The following UBASH3A variants were observed in gnomAD, a reference collection of about 807,000 sequenced individuals.
UBASH3A encodes ubiquitin-associated and SH3 domain-containing protein A.
UBASH3A carries 63 observed loss-of-function variants against 73.5 expected under a neutral mutation model. The ratio of observed to expected loss-of-function variants is 0.86; its 90% CI spans 0.70 to 1.06. UBASH3A has a LOEUF of 1.06. Among genes scored for constraint, UBASH3A ranks in the 50% least tolerant of loss-of-function variants. The probability of loss-of-function intolerance (pLI) is 0.00; values close to 1 mark genes in which losing one functional copy is unlikely to be tolerated. For missense variants in UBASH3A, 860 were observed against 859.0 expected, an observed-to-expected ratio of 1.00 and a Z score of -0.02; for synonymous variants, 363 against 351.1, an observed-to-expected ratio of 1.03 and a Z score of -0.38.
intron 1 of UBASH3A, chr21:42,404,318 G>A (rs2052924898): frequency 3.0e-6 from 1 of 327,922 alleles, no homozygotes. Context: ...GCCTCCTAAG[G>A]CTGCCCTGTT....
intron 11 of UBASH3A, 33 bp downstream of exon 11, chr21:42,437,613 G>A (rs2146592047): frequency 6.3e-7 from 1 of 1,585,366 alleles, no homozygotes; most frequent in East Asian, 2.2e-5. Flanking sequence ...CTCTCCTACT[G>A]CCTTGACCTT....
At chr21:42,423,180 A>G (rs922335936) in intron 7 of UBASH3A, among the ~76,000 whole-genome samples, 1 of 151,678 alleles carries the variant, frequency 6.6e-6, no homozygotes, top group Non-Finnish European at 1.5e-5. Context: ...TCCCACATCC[A>G]GTGAGAAAAC....
chr21:42,421,352 C>G (rs1193622740), intron 7 of UBASH3A, among the ~76,000 whole-genome samples: 1 of 152,206 alleles, frequency 6.6e-6, no homozygotes, highest in Non-Finnish European at 1.5e-5. Context: ...ACCTTCAGAG[C>G]TGTGTGGCTG....
intron 7 of UBASH3A, among the ~76,000 whole-genome samples, chr21:42,422,528 C>T (rs565052288): frequency 1.3e-5 from 2 of 152,268 alleles, no homozygotes; most frequent in South Asian, 2.1e-4. Flanking sequence ...CAGAGGAAGC[C>T]GGATTCCAGT....
At chr21:42,416,825 C>G (rs1360995384) in intron 6 of UBASH3A, among the ~76,000 whole-genome samples, 1 of 152,264 alleles carries the variant, frequency 6.6e-6, no homozygotes, top group East Asian at 1.9e-4. Flanking sequence ...CCCAGCTACT[C>G]AGGAGGCTGA....
At position 42,444,653 on chromosome 21, in the gene UBASH3A, C is replaced by A; in HGVS notation, c.1848+10C>A. The A allele has an allele frequency of 1.3e-6, 2 of 1,595,334 alleles. No homozygotes were observed. Among genetic ancestry groups the A allele is most frequent in the South Asian group, 2.2e-5 (2 of 90,728 alleles). Reference sequence around the variant, plus strand: ...CCAACTCGTGAGAAAGGTACGCGCCCACTCTTGGCTCTTTGGGCCACAAAA... The same window carrying A: ...CCAACTCGTGAGAAAGGTACGCGCCAACTCTTGGCTCTTTGGGCCACAAAA... On this transcript the variant is annotated intron_variant, in intron 14 of 14. Transcript: ENST00000319294.
chr21:42,421,554 T>A (rs1184068636), intron 7 of UBASH3A, among the ~76,000 whole-genome samples: 2 of 152,264 alleles, frequency 1.3e-5, no homozygotes, highest in Admixed American at 1.3e-4. Context: ...CAGCATCTAC[T>A]CAATCTATAG....
chr21:42,430,858 C>T (rs2053516014), intron 8 of UBASH3A, among the ~76,000 whole-genome samples: 1 of 152,214 alleles, frequency 6.6e-6, no homozygotes, highest in Non-Finnish European at 1.5e-5. Flanking sequence ...GGCAGCACCA[C>T]TGGGCCTGTG....
At chr21:42,441,673 A>AGGAGGACTTGGGGGCCTGGTTGATTGG (rs1197583688) in intron 11 of UBASH3A, among the ~76,000 whole-genome samples, 1 of 90,436 alleles carries the variant, frequency 1.1e-5, no homozygotes, top group Non-Finnish European at 2.3e-5. Flanking sequence ...TGGTTGATGA[A>AGGAGGACTTGGGGGCCTGGTTGATTGG]GGAGGACTTG....
At chr21:42,430,059 G>A (rs2053501955) in intron 8 of UBASH3A, among the ~76,000 whole-genome samples, 1 of 152,130 alleles carries the variant, frequency 6.6e-6, no homozygotes, top group Admixed American at 6.5e-5. Flanking sequence ...GGATCTGGCA[G>A]GAGCTGCCCG....
At chr21:42,434,468 A>ATGCCAACTTCAGATTCTTACCGAGTT (rs1415933676) in intron 9 of UBASH3A, among the ~76,000 whole-genome samples, 1 of 152,214 alleles carries the variant, frequency 6.6e-6, no homozygotes, top group Non-Finnish European at 1.5e-5. Context: ...TGGATCATTG[A>ATGCCAACTTCAGATTCTTACCGAGTT]TGCCAACTTC....
chr21:42,426,609 C>T (rs2053440167), intron 7 of UBASH3A, 88 bp from the exon 8 acceptor site: 1 of 1,494,606 alleles, frequency 6.7e-7, no homozygotes. Flanking sequence ...CCCGGACATT[C>T]TCAAGTACAT....
rs775258006 is a variant in UBASH3A, at chr21:42,413,165, G to A, written c.496G>A (p.Ala166Thr). The A allele has an allele frequency of 2.3e-5, 37 of 1,614,068 alleles. No homozygotes were observed. Among genetic ancestry groups the A allele is most frequent in the African/African-American group, 6.7e-5 (5 of 74,934 alleles). The change falls in exon 4 of 15, where the codon GCA (alanine) becomes ACA (threonine). Residue 166 changes from alanine to threonine, a missense_variant. Ala to Thr is a moderately conservative substitution (Grantham distance 58). Transcript: ENST00000319294. The surrounding 1 kb of genome is among the most constrained non-coding windows in gnomAD (Gnocchi z 4.5). ...YLGFFVSGSP[A>T]DVIREFAMTF... ...CGGCTTCTTCGTCAGTGGCAGCCCC[G>A]CAGACGTCATCCGGGAATTCGCCAT...
At chr21:42,436,002 CATAGAGTT>C (rs944955328) in intron 10 of UBASH3A, among the ~76,000 whole-genome samples, 19 of 149,520 alleles carry the variant, frequency 1.3e-4, no homozygotes, top group African/African-American at 1.5e-4. Context: ...GTTATAGAGT[CATAGAGTT>C]ATAGAGTTAT....
At chr21:42,409,673 G>A in intron 3 of UBASH3A, 65 bp downstream of exon 3, 1 of 1,439,670 alleles carries the variant, frequency 6.9e-7, no homozygotes, top group East Asian at 2.3e-5. Flanking sequence ...TGCTAACTAG[G>A]CCATGATGGG....
In UBASH3A at chr21:42,413,121, A is replaced by C. The variant is rs768987554; in HGVS notation, c.452A>C (p.His151Pro). ...CCCACGGCCGTGCCTCTGGCTCTCC[A>C]CTCCTCCATCAGCTACCTCGGCTTC... ...SFPTAVPLALHSSISYLGFFV... is the reference protein window; with the variant it reads ...SFPTAVPLALPSSISYLGFFV... The change falls in exon 4 of 15, where the codon CAC becomes CCC. Residue 151 changes from histidine (H) to proline (P), a missense_variant. Physicochemically the swap from His to Pro is moderately conservative, Grantham distance 77 (BLOSUM62 -2). Transcript: ENST00000319294. This position sits in a 1 kb window ranked among gnomAD's most constrained non-coding sequence, Gnocchi z 4.5. 7 of 1,613,744 alleles carry C rather than the reference A, an allele frequency of 4.3e-6. No individual in the cohort carries two copies. The highest frequency in any genetic ancestry group is 5.9e-6 in the Non-Finnish European group (7 of 1,179,924).
In UBASH3A at chr21:42,406,327, A is replaced by G; in HGVS notation, c.133A>G (p.Thr45Ala). ...CTGCAGGCTGAAAGCGTTGGCAGCCACGGGGAGGAAGACGGCGGAGGAGGC... is the reference window on the plus strand; with the variant it reads ...CTGCAGGCTGAAAGCGTTGGCAGCCGCGGGGAGGAAGACGGCGGAGGAGGC... ...VHTALKALAA[T>A]GRKTAEEALA... The change falls in exon 2 of 15, where the codon ACG (threonine) becomes GCG (alanine). Residue 45 changes from threonine to alanine, a missense_variant. By Grantham distance (58) the Thr-to-Ala change is moderately conservative (BLOSUM62 0). Coordinates refer to ENST00000319294, the MANE Select transcript of UBASH3A (RefSeq NM_018961.4). 6.2e-7 allele frequency: 1 copy of G among 1,614,130 alleles called. No homozygotes were observed. The highest frequency in any genetic ancestry group is 8.5e-7 in the Non-Finnish European group (1 of 1,179,972).
At chr21:42,446,540 AC>A (rs1215471995) in intron 14 of UBASH3A, among the ~76,000 whole-genome samples, 1 of 152,258 alleles carries the variant, frequency 6.6e-6, no homozygotes, top group Non-Finnish European at 1.5e-5. Context: ...AAAGACAAAA[AC>A]AAAAAAGGCT....
At position 42,432,100 on chromosome 21, in the gene UBASH3A, C is replaced by A. The variant is rs193214449; in HGVS notation, c.1171-3C>A. On this transcript the variant is annotated splice_region_variant and splice_polypyrimidine_tract_variant and intron_variant, in intron 8 of 14. Transcript: ENST00000319294. ...GTGCCTTGCTTCCTGCCCCACCCCC[C>A]AGGCTACCGTTGCAAGGAAGAGCGT... 1.2e-6 allele frequency: 2 copies of A among 1,608,008 alleles called. No individual in the cohort carries two copies. Among genetic ancestry groups the A allele is most frequent in the African/African-American group, 1.3e-5 (1 of 74,788 alleles).
Sources: allele counts gnomAD v4.1 joint callset (sites outside exome capture counted in the v4.1 genomes callset), GRCh38; gene constraint gnomAD v4.1.1; non-coding constraint Gnocchi (gnomAD v3.1); transcripts MANE v1.5; gene names NCBI Gene and HGNC (gene_info 2026-07-23, HGNC 2026-07-21).